Variants in TOGARAM2 observed in about 807,000 individuals in gnomAD.
TOGARAM2 encodes the protein TOG array regulator of axonemal microtubules protein 2.
TOGARAM2 carries 85 observed loss-of-function variants against 93.3 expected under a neutral mutation model. That is an observed-to-expected ratio of 0.91 (90% confidence interval 0.76 to 1.09). The LOEUF is 1.09. Ranked by LOEUF, TOGARAM2 falls within the 50% of genes least tolerant of loss-of-function variation. The probability of loss-of-function intolerance (pLI) is 0.00; values close to 1 mark genes in which losing one functional copy is unlikely to be tolerated. For synonymous variants in TOGARAM2, 593 were observed against 552.8 expected, an observed-to-expected ratio of 1.07 and a Z score of -1.02; for missense variants, 1,277 against 1,334.5, an observed-to-expected ratio of 0.96 and a Z score of 0.67.
chr2:28,976,773 TCC>T (rs1185118649), upstream of TOGARAM2, among the ~76,000 whole-genome samples: 1 of 152,232 alleles, frequency 6.6e-6, no homozygotes, highest in Non-Finnish European at 1.5e-5. Flanking sequence ...TTCTAGAGTT[TCC>T]CAGGAACTTC....
Position 28,973,441 on chromosome 2 carries a change from C to CCTTT in TOGARAM2, c.-147+16745_-147+16746insTTTC, listed in dbSNP as rs1558394769. ...CTTCTTTCCTCCCTTCCTTCCCTTC[C>CCTTT]CCTTCCTTCCTTCCTTCCTTCCTTC... On this transcript the variant is annotated intron_variant, in intron 1 of 6. Coordinates refer to the TOGARAM2 transcript ENST00000401723. Among the ~76,000 whole-genome samples, 104 of 39,012 alleles carry CCTTT rather than the reference C, an allele frequency of 2.7e-3. 1 individual carries two copies. The highest frequency in any genetic ancestry group is 5.1e-3 in the African/African-American group (66 of 12,908). The allele number at this position is 39,012 out of a possible 152,430, so 25.6% of individuals were successfully genotyped here.
intron 18 of TOGARAM2, among the ~76,000 whole-genome samples, chr2:29,039,777 A>G (rs1666323319): frequency 6.6e-6 from 1 of 152,144 alleles, no homozygotes; most frequent in African/African-American, 2.4e-5. Flanking sequence ...ATTTCAGGGG[A>G]ATTATTCTGG....
At chr2:29,022,943 C>A (rs905271451) in intron 11 of TOGARAM2, 143 bp from the exon 12 acceptor site, 1 of 664,158 alleles carries the variant, frequency 1.5e-6, no homozygotes, top group Non-Finnish European at 2.6e-6. Flanking sequence ...CCCCGGGAAA[C>A]CCTGCTCTGA....
chr2:28,992,203 AGTTCCTACAG>A (rs1204651815), intron 1 of TOGARAM2, among the ~76,000 whole-genome samples: 1 of 152,170 alleles, frequency 6.6e-6, no homozygotes, highest in African/African-American at 2.4e-5. Flanking sequence ...TGGATCATTC[AGTTCCTACAG>A]GTCCCTGGGC....
At chr2:29,036,481 C>T (rs1666116316) in intron 17 of TOGARAM2, 60 bp from the exon 18 acceptor site, 4 of 1,559,258 alleles carry the variant, frequency 2.6e-6, no homozygotes, top group Non-Finnish European at 3.5e-6. Context: ...GCTGCCTGCA[C>T]TGTGGGAGTC....
intron 12 of TOGARAM2, 99 bp from the exon 13 acceptor site, chr2:29,024,040 G>T: frequency 9.9e-7 from 1 of 1,009,822 alleles, no homozygotes; most frequent in Non-Finnish European, 1.5e-6. Flanking sequence ...GGGGAAGGGT[G>T]GGGGTGGAGG....
chr2:28,993,792 G>A (rs1672856431), intron 1 of TOGARAM2, among the ~76,000 whole-genome samples: 2 of 152,212 alleles, frequency 1.3e-5, no homozygotes, highest in African/African-American at 4.8e-5. Context: ...GGCCTGGGTG[G>A]GGCAGTGGCT....
At chr2:28,959,537 A>C (rs1301021283) in intron 1 of TOGARAM2, among the ~76,000 whole-genome samples, 1 of 152,160 alleles carries the variant, frequency 6.6e-6, no homozygotes, top group Non-Finnish European at 1.5e-5. Flanking sequence ...GCGGATCACA[A>C]GGTCAGGAAA....
chr2:28,961,293 C>T (rs556839915), intron 1 of TOGARAM2, among the ~76,000 whole-genome samples: 6 of 152,142 alleles, frequency 3.9e-5, no homozygotes, highest in African/African-American at 1.4e-4. Flanking sequence ...GAGCAGTAGA[C>T]AAAGGCTTTT....
intron 1 of TOGARAM2, among the ~76,000 whole-genome samples, chr2:28,981,913 T>C (rs1672213974): frequency 6.6e-6 from 1 of 152,134 alleles, no homozygotes; most frequent in Non-Finnish European, 1.5e-5. Flanking sequence ...CTGTGGGCGA[T>C]GGTGCCGGGA....
intron 1 of TOGARAM2, among the ~76,000 whole-genome samples, chr2:28,961,400 A>G (rs1671803241): frequency 6.6e-6 from 1 of 152,008 alleles, no homozygotes; most frequent in Admixed American, 6.6e-5. Context: ...GGAGTGTAGT[A>G]ACGCAAACTC....
intron 7 of TOGARAM2, 116 bp from the exon 8 acceptor site, chr2:29,014,279 A>G: frequency 1.6e-6 from 2 of 1,282,084 alleles, no homozygotes; most frequent in Non-Finnish European, 2.1e-6. Context: ...GTCTTGCTCC[A>G]TTGAGGAAGA....
chr2:28,960,726 C>T (rs1671793736), intron 1 of TOGARAM2, among the ~76,000 whole-genome samples: 1 of 152,202 alleles, frequency 6.6e-6, no homozygotes, highest in Non-Finnish European at 1.5e-5. Context: ...CTACCCAGTA[C>T]AACTTTCTGT....
chr2:29,000,420 C>T (rs1295160776), intron 4 of TOGARAM2, among the ~76,000 whole-genome samples: 1 of 152,134 alleles, frequency 6.6e-6, no homozygotes, highest in Non-Finnish European at 1.5e-5. Flanking sequence ...AATGGGGACA[C>T]TATTAATAAT....
intron 6 of TOGARAM2, among the ~76,000 whole-genome samples, chr2:29,010,715 C>G (rs1210047909): frequency 6.6e-6 from 1 of 151,918 alleles, no homozygotes; most frequent in Non-Finnish European, 1.5e-5. Context: ...CCATGGGAAC[C>G]TGAGCTCCCG....
At chr2:29,020,452 A>G (rs1056086680) in intron 10 of TOGARAM2, among the ~76,000 whole-genome samples, 14 of 152,202 alleles carry the variant, frequency 9.2e-5, no homozygotes, top group African/African-American at 2.7e-4. Context: ...GGATCTGTTC[A>G]ACTTCTTCTG....
At chr2:28,962,737 C>G (rs941941552) in intron 1 of TOGARAM2, among the ~76,000 whole-genome samples, 4 of 149,956 alleles carry the variant, frequency 2.7e-5, no homozygotes, top group African/African-American at 7.4e-5. Flanking sequence ...CTCTGTCTCC[C>G]TTTCCCTTCC....
At chr2:29,012,124 G>A (rs549668136) in intron 7 of TOGARAM2, among the ~76,000 whole-genome samples, 19 of 152,316 alleles carry the variant, frequency 1.2e-4, no homozygotes, top group African/African-American at 4.6e-4. Context: ...ATCCTTCCTG[G>A]ATTGAACTCT....
At position 29,003,541 on chromosome 2, in the gene TOGARAM2, A is replaced by G; in HGVS notation, c.689A>G (p.Lys230Arg). ...CACTGCAATGATGAGAAGATGCAGA[A>G]GTCCCTGGGCGCCATCGTGATCCCA... ...YLHCNDEKMQ[K>R]SLGAIVIPPI... The change falls in exon 6 of 20, where the codon AAG (lysine) becomes AGG (arginine). Residue 230 changes from lysine (K) to arginine (R), a missense_variant. Lys to Arg is a conservative substitution (Grantham distance 26). Coordinates refer to ENST00000379558, the MANE Select transcript of TOGARAM2 (RefSeq NM_199280.4). The G allele has an allele frequency of 6.3e-7, 1 of 1,591,914 alleles. No individual in the cohort carries two copies. Among genetic ancestry groups the G allele is most frequent in the Non-Finnish European group, 8.5e-7 (1 of 1,170,020 alleles).
Sources: allele counts gnomAD v4.1 joint callset (sites outside exome capture counted in the v4.1 genomes callset), GRCh38; gene constraint gnomAD v4.1.1; transcripts MANE v1.5; gene names NCBI Gene and HGNC (gene_info 2026-07-23, HGNC 2026-07-21).